The following DAP3 variants were observed in gnomAD, a reference collection of about 807,000 sequenced individuals.
DAP3 encodes the protein small ribosomal subunit protein mS29.
Under a neutral mutation model 51.9 loss-of-function variants are expected in DAP3, and 28 were observed. That is an observed-to-expected ratio of 0.54 (90% CI 0.40 to 0.74). The LOEUF (loss-of-function observed/expected upper bound fraction) is 0.74, where lower values mean the gene tolerates loss of function less well. DAP3 is among the 30% of genes least tolerant of loss of function. DAP3 has a pLI of 0.00. For missense variants in DAP3, 458 were observed against 483.5 expected (o/e 0.95, Z 0.49); for synonymous variants, 170 against 170.3 (o/e 1.00, Z 0.01).
intron 1 of DAP3, among the ~76,000 whole-genome samples, chr1:155,700,677 C>A (rs1286080743): frequency 1.4e-5 from 2 of 142,194 alleles, no homozygotes; most frequent in African/African-American, 5.2e-5. Context: ...GCCAGCCACC[C>A]CGTCCGGGAG....
At chr1:155,733,883 G>A (rs1659495633) in intron 11 of DAP3, among the ~76,000 whole-genome samples, 1 of 150,518 alleles carries the variant, frequency 6.6e-6, no homozygotes, top group South Asian at 2.1e-4. Flanking sequence ...GCCAGGCTTG[G>A]TAGCTCACAG....
At chr1:155,735,491 C>T (rs2149207486) in intron 11 of DAP3, among the ~76,000 whole-genome samples, 1 of 151,776 alleles carries the variant, frequency 6.6e-6, no homozygotes, top group East Asian at 1.9e-4. Context: ...ACAGGAGAAT[C>T]GCTTGAACCC....
intron 3 of DAP3, among the ~76,000 whole-genome samples, chr1:155,718,340 C>G (rs1426975655): frequency 6.6e-6 from 1 of 151,816 alleles, no homozygotes; most frequent in African/African-American, 2.4e-5. Context: ...GAGCCAAGAT[C>G]GCGCCACTGC....
Position 155,738,085 on chromosome 1 carries a change from C to T in DAP3, c.1112-72C>T, listed in dbSNP as rs578241525. The T allele has an allele frequency of 2.0e-6, 3 of 1,480,140 alleles. No homozygotes were observed. In the Admixed American group the frequency reaches 5.3e-5, roughly 26 times the overall value. 91.7% of individuals were successfully genotyped at this position (1,480,140 alleles called of 1,614,324 possible). On this transcript the variant is annotated intron_variant, in intron 12 of 12. Transcript: ENST00000368336. ...GTAATTTGGATATGGTAGCCTCTGA[C>T]TACACGATATTCTGGGGAACACAGT...
intron 1 of DAP3, among the ~76,000 whole-genome samples, chr1:155,691,134 C>T (rs1407074791): frequency 7.0e-6 from 1 of 141,858 alleles, no homozygotes; most frequent in East Asian, 1.9e-4. Flanking sequence ...GTCTCGATCT[C>T]CTGACCTCAT....
chr1:155,716,992 G>C lies in DAP3; in HGVS notation c.46-14G>C. 1 of 1,606,498 alleles carries C rather than the reference G, an allele frequency of 6.2e-7. No homozygotes were observed. The highest frequency in any genetic ancestry group is 8.5e-7 in the Non-Finnish European group (1 of 1,177,778). Reference sequence around the variant, plus strand: ...TTTGATAACCCCGTAACACTGAAATGGTTTCTCTTATAGTTGGACCCTGGG... The same window carrying C: ...TTTGATAACCCCGTAACACTGAAATCGTTTCTCTTATAGTTGGACCCTGGG... On this transcript the variant is annotated splice_polypyrimidine_tract_variant and intron_variant, in intron 2 of 12. Transcript: ENST00000368336.
chr1:155,705,020 G>A (rs562537823), intron 1 of DAP3, among the ~76,000 whole-genome samples: 9 of 152,250 alleles, frequency 5.9e-5, no homozygotes, highest in East Asian at 1.9e-4. Context: ...GGCCAAGTGC[G>A]ATGGCTCATA....
At chr1:155,689,084 C>CT (rs1653255721), upstream of DAP3, 1 of 1,461,390 alleles carries the variant, frequency 6.8e-7, no homozygotes, top group Non-Finnish European at 9.3e-7. Flanking sequence ...TGACCCGACC[C>CT]TTTTTTGCAG....
At chr1:155,729,005 CT>C (rs768025714) in intron 7 of DAP3, 36 bp from the exon 8 acceptor site, 16 of 1,602,256 alleles carry the variant, frequency 1.0e-5, no homozygotes, top group Admixed American at 3.4e-5. Context: ...GCCAAGTAGC[CT>C]TTTTTTTGGT....
chr1:155,689,139 G>C lies in DAP3; in HGVS notation c.-43G>C. 2 of 909,224 alleles carry C rather than the reference G, an allele frequency of 2.2e-6. No homozygotes were observed. The highest frequency in any genetic ancestry group is 1.4e-5 in the South Asian group (1 of 70,546). The allele number at this position is 909,224 out of a possible 1,614,324, so 56.3% of individuals were successfully genotyped here. On this transcript the variant is annotated 5_prime_UTR_variant, in exon 1 of 13. Transcript: ENST00000368336. ...GAGCCGGCCCCAGGCAGCGTGTGTC[G>C]GTCGCCTAGTCTGGAGAACTAGTCC...
intron 2 of DAP3, among the ~76,000 whole-genome samples, chr1:155,712,910 A>G (rs1398093090): frequency 1.3e-5 from 2 of 152,136 alleles, no homozygotes; most frequent in Non-Finnish European, 2.9e-5. Flanking sequence ...GGTAGATAAA[A>G]TTGAGTAGCG....
intron 11 of DAP3, chr1:155,736,711 C>T (rs1250071832): frequency 6.2e-6 from 3 of 486,412 alleles, no homozygotes; most frequent in Admixed American, 6.9e-5. Flanking sequence ...GTCACTGTGC[C>T]CAGCCACCTC....
rs370880846 is a variant in DAP3, at chr1:155,729,414, A to G, written c.843+48A>G. 3 of 1,602,786 alleles carry G rather than the reference A, an allele frequency of 1.9e-6. No homozygotes were observed. The African/African-American group carries it at 4.0e-5, about 22-fold the overall frequency. Reference sequence around the variant, plus strand: ...TCTTGTTTCTCTGATTTCTGATTCCATCAGTATGGAGGCTGGGTCTTAGCC... The same window carrying G: ...TCTTGTTTCTCTGATTTCTGATTCCGTCAGTATGGAGGCTGGGTCTTAGCC... On this transcript the variant is annotated intron_variant, in intron 9 of 12. Coordinates refer to ENST00000368336, the MANE Select transcript of DAP3 (RefSeq NM_004632.4).
chr1:155,704,975 T>C (rs907154630), intron 1 of DAP3, among the ~76,000 whole-genome samples: 1 of 151,948 alleles, frequency 6.6e-6, no homozygotes, highest in Non-Finnish European at 1.5e-5. Flanking sequence ...CAATATTCCA[T>C]CTCAGAAATA....
chr1:155,688,493 C>T, upstream of DAP3: 1 of 1,549,042 alleles, frequency 6.5e-7, no homozygotes, highest in Non-Finnish European at 8.7e-7. Context: ...CGCACGCGTA[C>T]GAGTGTCTAC....
intron 4 of DAP3, 38 bp downstream of exon 4, chr1:155,721,656 A>G: frequency 6.3e-7 from 1 of 1,599,048 alleles, no homozygotes; most frequent in Non-Finnish European, 8.6e-7. Flanking sequence ...GGGAGCCCAG[A>G]ATACAAGCTG....
intron 7 of DAP3, 113 bp from the exon 8 acceptor site, chr1:155,728,929 A>G (rs1658906071): frequency 5.2e-6 from 5 of 958,252 alleles, no homozygotes; most frequent in South Asian, 1.7e-5. Flanking sequence ...AACCTGAACA[A>G]TAGATTAAAA....
At chr1:155,691,255 A>G (rs1653791382) in intron 1 of DAP3, among the ~76,000 whole-genome samples, 1 of 141,832 alleles carries the variant, frequency 7.1e-6, no homozygotes, top group Non-Finnish European at 1.5e-5. Flanking sequence ...AAAGAATCTT[A>G]TCAGTAAGTT....
At chr1:155,713,368 A>G (rs1274764379) in intron 2 of DAP3, among the ~76,000 whole-genome samples, 1 of 152,272 alleles carries the variant, frequency 6.6e-6, no homozygotes, top group East Asian at 1.9e-4. Flanking sequence ...ATTCTCAGAC[A>G]AAGCTGGAGC....
Sources: gnomAD v4.1 joint callset for allele counts (sites outside exome capture counted in the v4.1 genomes callset) on GRCh38, gnomAD v4.1.1 for gene constraint, MANE v1.5 for transcripts, NCBI Gene and HGNC (gene_info 2026-07-23, HGNC 2026-07-21) for gene names.